Variants in DOT1L observed in about 807,000 individuals in gnomAD.
DOT1L encodes the protein DOT1 like histone lysine methyltransferase.
DOT1L carries 33 observed loss-of-function variants against 153.3 expected under a neutral mutation model. That is an observed-to-expected ratio of 0.22 (90% CI 0.16 to 0.29). The LOEUF is 0.29. DOT1L is among the 10% of genes least tolerant of loss of function. DOT1L has a pLI of 1.00. For missense variants in DOT1L, 1,847 were observed against 2,119.9 expected (o/e 0.87, Z 2.53); for synonymous variants, 1,135 against 965.1 (o/e 1.18, Z -3.26).
In DOT1L at chr19:2,210,496, G is replaced by A. The variant is rs560836480; in HGVS notation, c.1102G>A (p.Ala368Thr). The A allele has an allele frequency of 1.3e-5, 20 of 1,593,816 alleles. No homozygotes were observed. Among genetic ancestry groups the A allele is most frequent in the Middle Eastern group, 1.8e-4 (1 of 5,546 alleles). Reference protein sequence around the residue: ...KGPEGKVAGPADAPMDSGAEE... With the variant: ...KGPEGKVAGPTDAPMDSGAEE... Reference sequence around the variant, plus strand: ...CCCAGAGGGCAAGGTGGCCGGCCCCGCCGACGCCCCCATGGTAAGGCCCCA... The same window carrying A: ...CCCAGAGGGCAAGGTGGCCGGCCCCACCGACGCCCCCATGGTAAGGCCCCA... Residue 368 changes from alanine to threonine, a missense_variant, in exon 13 of 28, where the codon GCC (alanine) becomes ACC (threonine). Around this residue, in one of 8 missense-constraint regions of DOT1L, gnomAD observed 205 missense variants for 203.1 expected, o/e 1.01. Transcript: ENST00000398665.
intron 19 of DOT1L, 43 bp downstream of exon 19, chr19:2,214,639 T>C: frequency 3.7e-6 from 6 of 1,600,850 alleles, no homozygotes; most frequent in Non-Finnish European, 5.1e-6. Context: ...TCCGAGCCTC[T>C]CCCATCAGCC....
At chr19:2,215,147 TC>T (rs1237726053) in intron 19 of DOT1L, among the ~76,000 whole-genome samples, 1 of 151,768 alleles carries the variant, frequency 6.6e-6, no homozygotes, top group Non-Finnish European at 1.5e-5. Context: ...CAGGATGGCA[TC>T]CCCAAGGGCC....
At position 2,226,348 on chromosome 19, in the gene DOT1L, G is replaced by T; in HGVS notation, c.3827G>T (p.Arg1276Leu). The change falls in exon 27 of 28, where the codon CGG becomes CTG. Residue 1276 changes from arginine (R) to leucine (L), a missense_variant. Arg to Leu is a moderately radical substitution (Grantham distance 102, BLOSUM62 -2). Around this residue, in one of 8 missense-constraint regions of DOT1L, gnomAD observed 934 missense variants for 825.3 expected, o/e 1.13. Transcript: ENST00000398665. ...ALSQNSLFTF[R>L]PALEEPSADA... The stretch of plus-strand genomic sequence containing the variant: ...AGCCAGAACTCCCTGTTCACGTTCC[G>T]GCCCGCCCTGGAGGAGCCCTCTGCC... The T allele has an allele frequency of 6.3e-7, 1 of 1,592,332 alleles. No homozygotes were observed.
At chr19:2,228,389 C>G (rs1599631653) in intron 27 of DOT1L, 3 of 1,275,586 alleles carry the variant, frequency 2.4e-6, no homozygotes, top group Admixed American at 2.4e-5. Context: ...TAAGGTAAGG[C>G]CAGAGCCCTG....
chr19:2,181,829 G>C lies in DOT1L; in HGVS notation c.125+1073G>C, dbSNP rs534938126. On this transcript the variant is annotated intron_variant, in intron 2 of 27. Coordinates refer to ENST00000398665, the MANE Select transcript of DOT1L (RefSeq NM_032482.3). ...TGCAGCATGCTTCTGGCGGCCAGCC[G>C]CCTCTCTCTGCCTGGGTTTCTCTTG... Among the ~76,000 whole-genome samples, 412 of 148,240 alleles carry C rather than the reference G, an allele frequency of 2.8e-3. 3 individuals are homozygous for C. The highest frequency in any genetic ancestry group is 9.2e-3 in the African/African-American group (375 of 40,798).
intron 7 of DOT1L, 86 bp from the exon 8 acceptor site, chr19:2,199,798 A>T (rs540306050): frequency 7.0e-7 from 1 of 1,430,984 alleles, no homozygotes; most frequent in African/African-American, 1.5e-5. Context: ...AGCTGTGTTC[A>T]TTCCATTCTT....
intron 2 of DOT1L, among the ~76,000 whole-genome samples, chr19:2,181,576 C>G (rs1041310757): frequency 6.6e-6 from 1 of 151,858 alleles, no homozygotes; most frequent in Non-Finnish European, 1.5e-5. Flanking sequence ...TTGTGTAGGT[C>G]GGCCAGGGTG....
Position 2,208,892 on chromosome 19 carries a change from A to G in DOT1L, c.964-43A>G. On this transcript the variant is annotated intron_variant, in intron 11 of 27. Coordinates refer to ENST00000398665, the MANE Select transcript of DOT1L (RefSeq NM_032482.3). The surrounding 1 kb of genome is among the most constrained non-coding windows in gnomAD (Gnocchi z 4.4). Reference sequence around the variant, plus strand: ...GGTGTCCAGACAAATCCGAACAGAGATTGGGACTCCCTTCTAATCAGGGTT... The same window carrying G: ...GGTGTCCAGACAAATCCGAACAGAGGTTGGGACTCCCTTCTAATCAGGGTT... 6.2e-7 allele frequency: 1 copy of G among 1,601,544 alleles called. No homozygotes were observed. Among genetic ancestry groups the G allele is most frequent in the Non-Finnish European group, 8.5e-7 (1 of 1,172,812 alleles).
rs555743501 is a variant in DOT1L, at chr19:2,222,686, A to G, written c.3390+127A>G. The G allele has an allele frequency of 1.0e-4, 89 of 886,590 alleles. No individual in the cohort carries two copies. The highest frequency in any genetic ancestry group is 4.1e-4 in the Admixed American group (14 of 34,170). 54.9% of individuals were successfully genotyped at this position (886,590 alleles called of 1,614,324 possible). A position where few individuals can be genotyped will look rare whatever the true frequency, so the allele number is the denominator to read the frequency against. On this transcript the variant is annotated intron_variant, in intron 24 of 27. Coordinates refer to ENST00000398665, the MANE Select transcript of DOT1L (RefSeq NM_032482.3). This position sits in a 1 kb window ranked among gnomAD's most constrained non-coding sequence, Gnocchi z 6.5. ...GAGGCCGAGGCGGGTGGATCACAAG[A>G]TCAGGACATCAAGACCATCCTGGCT...
At position 2,222,432 on chromosome 19, in the gene DOT1L, G is replaced by A. The variant is rs370815654; in HGVS notation, c.3263G>A (p.Arg1088Gln). 64 of 1,609,322 alleles carry A rather than the reference G, an allele frequency of 4.0e-5. No homozygotes were observed. The highest frequency in any genetic ancestry group is 1.7e-4 in the Middle Eastern group (1 of 6,058). ...SHGQDSRRRG[R>Q]RKRASAGTPS... ...GGGCAGGACAGTCGCAGGCGCGGCC[G>A]GCGGAAGCGAGCATCTGCGGGGACG... The change falls in exon 24 of 28, where the codon CGG becomes CAG. Residue 1088 changes from arginine (R) to glutamine (Q), a missense_variant. By Grantham distance (43) the Arg-to-Gln change is conservative. This residue lies in a region of DOT1L where 934 missense variants were observed against 825.3 expected (regional missense o/e 1.13). Coordinates refer to ENST00000398665, the MANE Select transcript of DOT1L (RefSeq NM_032482.3). This position sits in a 1 kb window ranked among gnomAD's most constrained non-coding sequence, Gnocchi z 6.5.
At chr19:2,199,766 C>T in intron 7 of DOT1L, 118 bp from the exon 8 acceptor site, 2 of 1,398,622 alleles carry the variant, frequency 1.4e-6, no homozygotes, top group Non-Finnish European at 9.8e-7. Context: ...TGGGCCTCCT[C>T]CTGCTCCTTC....
At chr19:2,185,323 G>A (rs751765163) in intron 2 of DOT1L, among the ~76,000 whole-genome samples, 11 of 152,180 alleles carry the variant, frequency 7.2e-5, no homozygotes, top group Non-Finnish European at 1.6e-4. Flanking sequence ...ACTGGTGTGT[G>A]GCCTCGAAGC....
intron 24 of DOT1L, 125 bp from the exon 25 acceptor site, chr19:2,223,156 G>T (rs1034243085): frequency 7.9e-6 from 8 of 1,019,060 alleles, no homozygotes; most frequent in African/African-American, 6.4e-5. Flanking sequence ...TGGCCGCTGG[G>T]CAGGGCATCA....
In DOT1L at chr19:2,210,465, T is replaced by A. The variant is rs755159273; in HGVS notation, c.1071T>A (p.Thr357=). The A allele has an allele frequency of 2.1e-5, 33 of 1,591,374 alleles. No individual in the cohort carries two copies. Among genetic ancestry groups the A allele is most frequent in the Middle Eastern group, 1.9e-4 (1 of 5,232 alleles). The change falls in exon 13 of 28, where the codon ACT becomes ACA. Residue 357 remains threonine (T), a synonymous_variant. Coordinates refer to ENST00000398665, the MANE Select transcript of DOT1L (RefSeq NM_032482.3). ...RESKSNAATP[T]KGPEGKVAGP... ...GCAAGAGCAACGCGGCCACGCCCAC[T>A]AAGGGCCCAGAGGGCAAGGTGGCCG...
chr19:2,194,593 C>T lies in DOT1L; in HGVS notation c.651+16C>T. The T allele has an allele frequency of 1.2e-6, 2 of 1,609,380 alleles. No individual in the cohort carries two copies. Among genetic ancestry groups the T allele is most frequent in the Non-Finnish European group, 1.7e-6 (2 of 1,179,694 alleles). On this transcript the variant is annotated intron_variant, in intron 7 of 27. Transcript: ENST00000398665. ...AGAATACACAGTGAGTGCCATCGCT[C>T]CGCCCCGGCTCCCATCGCCGGCCCC...
intron 12 of DOT1L, among the ~76,000 whole-genome samples, chr19:2,209,548 G>A (rs948443099): frequency 3.9e-5 from 6 of 152,262 alleles, no homozygotes; most frequent in South Asian, 4.1e-4. Flanking sequence ...CCCTGCACGC[G>A]CTGCACCGTC....
chr19:2,173,232 G>A (rs930999231), intron 1 of DOT1L, among the ~76,000 whole-genome samples: 11 of 152,138 alleles, frequency 7.2e-5, no homozygotes, highest in African/African-American at 2.7e-4. Flanking sequence ...CGAGTCCCGC[G>A]CTTTCCTCCT....
At chr19:2,218,978 T>C (rs1279406750) in intron 22 of DOT1L, among the ~76,000 whole-genome samples, 3 of 152,150 alleles carry the variant, frequency 2.0e-5, no homozygotes, top group Non-Finnish European at 2.9e-5. Flanking sequence ...TTCAAGCAGT[T>C]CTCCTGCCTC....
rs571138796 is a variant in DOT1L at position 2,203,427 on chromosome 19, C to T, written c.787+648C>T. 2.2e-4 allele frequency among the ~76,000 whole-genome samples: 34 copies of T among 152,332 alleles called. No homozygotes were observed. The East Asian group carries it at 5.6e-3, about 25-fold the overall frequency. On this transcript the variant is annotated intron_variant, in intron 9 of 27. Transcript: ENST00000398665. The stretch of plus-strand genomic sequence containing the variant: ...CTGGAATCTTCTTGAGTTGAGCCTA[C>T]AGCTTGCTTATGGCCAGCTGACCAC...
Sources: gnomAD v4.1 joint callset for allele counts (sites outside exome capture counted in the v4.1 genomes callset) on GRCh38, gnomAD v4.1.1 for gene constraint, gnomAD v4.1.1 regional missense constraint, Gnocchi (gnomAD v3.1) non-coding constraint, MANE v1.5 for transcripts, NCBI Gene and HGNC (gene_info 2026-07-23, HGNC 2026-07-21) for gene names.